Variants in PIGU observed in about 807,000 individuals in gnomAD.
PIGU encodes the protein phosphatidylinositol glycan anchor biosynthesis class U.
A neutral mutation model predicts 49.9 loss-of-function variants in PIGU; 24 were observed. That is an observed-to-expected ratio of 0.48 (90% CI 0.35 to 0.68). The LOEUF (loss-of-function observed/expected upper bound fraction) is 0.68. PIGU is among the 30% of genes least tolerant of loss of function. PIGU has a pLI of 0.01. For missense variants in PIGU, 490 were observed against 532.6 expected, an observed-to-expected ratio of 0.92 and a Z score of 0.79; for synonymous variants, 220 against 205.7, an observed-to-expected ratio of 1.07 and a Z score of -0.59.
At chr20:34,639,605 T>A (rs138009021) in intron 4 of PIGU, among the ~76,000 whole-genome samples, 1 of 152,090 alleles carries the variant, frequency 6.6e-6, no homozygotes, top group Non-Finnish European at 1.5e-5. Flanking sequence ...GTATGTACTA[T>A]GCTTTATCTA....
intron 11 of PIGU, among the ~76,000 whole-genome samples, chr20:34,572,311 G>A (rs2146696616): frequency 6.6e-6 from 1 of 152,108 alleles, no homozygotes; most frequent in Middle Eastern, 3.4e-3. Flanking sequence ...TGGGATTACA[G>A]GCATGAGCCA....
At chr20:34,575,977 C>A (rs1983216273) in intron 10 of PIGU, among the ~76,000 whole-genome samples, 1 of 152,216 alleles carries the variant, frequency 6.6e-6, no homozygotes, top group Admixed American at 6.5e-5. Context: ...CAGCCGGGTA[C>A]AGACCTTGGT....
At chr20:34,627,673 C>T (rs1985544478) in intron 6 of PIGU, among the ~76,000 whole-genome samples, 1 of 152,098 alleles carries the variant, frequency 6.6e-6, no homozygotes, top group Admixed American at 6.5e-5. Context: ...TATCTTTGCA[C>T]TCGGCTATTT....
At chr20:34,599,831 T>TGTAA (rs1984347592) in intron 7 of PIGU, among the ~76,000 whole-genome samples, 1 of 152,142 alleles carries the variant, frequency 6.6e-6, no homozygotes, top group Non-Finnish European at 1.5e-5. Context: ...TGGCCCCCCC[T>TGTAA]GTAAGCTTTA....
intron 11 of PIGU, among the ~76,000 whole-genome samples, chr20:34,564,862 C>T (rs984305576): frequency 2.0e-5 from 3 of 152,310 alleles, no homozygotes; most frequent in African/African-American, 7.2e-5. Context: ...GCGGGAAGAG[C>T]CCTGTGAGCG....
chr20:34,652,841 AAAC>A (rs1381048027), intron 2 of PIGU, among the ~76,000 whole-genome samples: 3 of 152,142 alleles, frequency 2.0e-5, no homozygotes, highest in African/African-American at 4.8e-5. Context: ...GAATCCTTCT[AAAC>A]TTACTGAGCC....
chr20:34,603,861 G>GACAC (rs142929319), intron 7 of PIGU, among the ~76,000 whole-genome samples: 111 of 143,898 alleles, frequency 7.7e-4, no homozygotes, highest in East Asian at 4.5e-3. Flanking sequence ...TTAGTGGACA[G>GACAC]ACACACACAC....
chr20:34,564,396 G>A (rs1982657274), intron 11 of PIGU, among the ~76,000 whole-genome samples: 1 of 152,232 alleles, frequency 6.6e-6, no homozygotes, highest in Non-Finnish European at 1.5e-5. Flanking sequence ...AGCTGGGAAT[G>A]GTGGCTTGTG....
At chr20:34,661,000 T>C (rs1026065412) in intron 1 of PIGU, among the ~76,000 whole-genome samples, 3 of 152,146 alleles carry the variant, frequency 2.0e-5, no homozygotes, top group African/African-American at 4.8e-5. Context: ...GGAACTCTTG[T>C]AACTTTTTTG....
chr20:34,583,665 C>T (rs562378703), intron 9 of PIGU, among the ~76,000 whole-genome samples: 1 of 152,362 alleles, frequency 6.6e-6, no homozygotes, highest in African/African-American at 2.4e-5. Context: ...TGCTCCTCTT[C>T]ACCCCATGGC....
At chr20:34,628,228 A>G (rs1035003461) in intron 6 of PIGU, among the ~76,000 whole-genome samples, 19 of 152,138 alleles carry the variant, frequency 1.2e-4, no homozygotes, top group Admixed American at 5.2e-4. Context: ...CATGCCTGTA[A>G]TATCAGCACT....
At chr20:34,669,759 C>G (rs1987248313) in intron 1 of PIGU, among the ~76,000 whole-genome samples, 1 of 151,382 alleles carries the variant, frequency 6.6e-6, no homozygotes, top group African/African-American at 2.4e-5. Context: ...GATAGAGGAA[C>G]ATGTTAAATT....
intron 5 of PIGU, among the ~76,000 whole-genome samples, chr20:34,636,479 G>T (rs781188621): frequency 6.6e-6 from 1 of 152,098 alleles, no homozygotes; most frequent in Non-Finnish European, 1.5e-5. Flanking sequence ...AGGAGGTAGA[G>T]GTTGCAGTGA....
chr20:34,654,499 A>G (rs1475995068), intron 2 of PIGU, among the ~76,000 whole-genome samples: 1 of 114,734 alleles, frequency 8.7e-6, no homozygotes. Flanking sequence ...AAAAAAAAAA[A>G]GTCTCTGAAG....
intron 1 of PIGU, among the ~76,000 whole-genome samples, chr20:34,663,717 G>A (rs1483416696): frequency 6.6e-6 from 1 of 152,176 alleles, no homozygotes; most frequent in African/African-American, 2.4e-5. Context: ...TAAAGAGGTT[G>A]CTGCGTAATA....
rs774933690 is a variant in PIGU, at chr20:34,657,193, G to C, written c.182C>G (p.Ala61Gly). 6 of 1,610,948 alleles carry C rather than the reference G, an allele frequency of 3.7e-6. No individual in the cohort carries two copies. The South Asian group carries it at 6.6e-5, about 18-fold the overall frequency. The change falls in exon 2 of 12, where the codon GCA (alanine) becomes GGA (glycine). Residue 61 changes from alanine (A) to glycine (G), a missense_variant. Transcript: ENST00000217446. ...LDLGVSPYSG[A>G]VFHETPLIIY... ...AAGAACACTTACTTCATGAAATACT[G>C]CTCCAGAATACGGAGATACTCCCAA... is the stretch of plus-strand genomic sequence containing the variant.
At position 34,616,141 on chromosome 20, in the gene PIGU, T is replaced by C; in HGVS notation, c.530-2A>G. ...AAATAGCACTGAGGAAAGCACTGCC[T>C]GTAAAAAGAAAGAAATGTATGGAAT... is the stretch of plus-strand genomic sequence containing the variant. On this transcript the variant is annotated splice_acceptor_variant, in intron 6 of 11. Coordinates refer to ENST00000217446, the MANE Select transcript of PIGU (RefSeq NM_080476.5). LOFTEE classifies it high-confidence loss of function. 6.2e-7 allele frequency: 1 copy of C among 1,612,152 alleles called. No individual in the cohort carries two copies. The highest frequency in any genetic ancestry group is 8.5e-7 in the Non-Finnish European group (1 of 1,179,158).
At position 34,616,125 on chromosome 20, in the gene PIGU, T is replaced by G; in HGVS notation, c.544A>C (p.Ser182Arg). ...LTTIKGSAFL[S>R]AIFLALATYQ... Reference sequence around the variant, plus strand: ...GTCGCTAAGGCAAGAAAAATAGCACTGAGGAAAGCACTGCCTGTAAAAAGA... The same window carrying G: ...GTCGCTAAGGCAAGAAAAATAGCACGGAGGAAAGCACTGCCTGTAAAAAGA... The change falls in exon 7 of 12, where the codon AGT becomes CGT. Residue 182 changes from serine (S) to arginine (R), a missense_variant. Coordinates refer to ENST00000217446, the MANE Select transcript of PIGU (RefSeq NM_080476.5). 1 of 1,612,610 alleles carries G rather than the reference T, an allele frequency of 6.2e-7. No individual in the cohort carries two copies. Among genetic ancestry groups the G allele is most frequent in the East Asian group, 2.2e-5 (1 of 44,748 alleles).
intron 6 of PIGU, among the ~76,000 whole-genome samples, chr20:34,625,586 G>A (rs1331537997): frequency 6.6e-6 from 1 of 151,714 alleles, no homozygotes; most frequent in Non-Finnish European, 1.5e-5. Context: ...CAGGTGGATT[G>A]CTTGAGGCTT....
Sources: gnomAD v4.1 joint callset for allele counts (sites outside exome capture counted in the v4.1 genomes callset) on GRCh38, gnomAD v4.1.1 for gene constraint, MANE v1.5 for transcripts, NCBI Gene and HGNC (gene_info 2026-07-23, HGNC 2026-07-21) for gene names.